The following PHKA2 variants were observed in gnomAD, a reference collection of about 807,000 sequenced individuals.
PHKA2 encodes phosphorylase b kinase regulatory subunit alpha, liver isoform.
A neutral mutation model predicts 102.0 loss-of-function variants in PHKA2; 31 were observed. That is an observed-to-expected ratio of 0.30 (90% confidence interval 0.23 to 0.41). The LOEUF (loss-of-function observed/expected upper bound fraction) is 0.41, where lower values mean the gene tolerates loss of function less well. Among genes scored for constraint, PHKA2 ranks in the 10% least tolerant of loss-of-function variants. The pLI, the probability that PHKA2 is intolerant of heterozygous loss-of-function variation, is 1.00. For synonymous variants in PHKA2, 455 were observed against 416.2 expected (o/e 1.09, Z -1.13); for missense variants, 858 against 1,023.1 (o/e 0.84, Z 2.20).
rs1370196764 is a variant in PHKA2, at chrX:18,954,316, T to G, written c.175A>C (p.Met59Leu). 1 of 1,211,592 alleles carries G rather than the reference T, an allele frequency of 8.3e-7. No individual in the cohort carries two copies. Among genetic ancestry groups the G allele is most frequent in the Admixed American group, 2.2e-5 (1 of 46,111 alleles). The change falls in exon 2 of 33, where the codon ATG becomes CTG. Residue 59 changes from methionine to leucine, a missense_variant. Met to Leu is a conservative substitution (Grantham distance 15). Transcript: ENST00000379942. Reference protein sequence around the residue: ...YSILAVWGLGMAYRKNADRDE... With the variant: ...YSILAVWGLGLAYRKNADRDE... The stretch of plus-strand genomic sequence containing the variant: ...CGGTCTGCATTCTTACGGTAGGCCA[T>G]GCCCAGGCCCCACACGGCCAGGATA...
rs763456029 is a variant in PHKA2 at position 18,925,718 on chromosome X, T to C, written c.1519A>G (p.Thr507Ala). The C allele has an allele frequency of 1.7e-6, 2 of 1,201,139 alleles. No individual in the cohort carries two copies. The highest frequency in any genetic ancestry group is 2.3e-6 in the Non-Finnish European group (2 of 885,991). The change falls in exon 15 of 33, where the codon ACC becomes GCC. Residue 507 changes from threonine to alanine, a missense_variant. Transcript: ENST00000379942. ...RPYRHIGVLG[T>A]SKLYVIRNQI... is the part of the protein sequence containing the mutation. ...TTCCTAATCACATATAGTTTAGAGG[T>C]TCCAAGGACACCAATATGTCGATAC...
intron 3 of PHKA2, 118 bp from the exon 4 acceptor site, chrX:18,951,390 G>A (rs1203798824): frequency 8.3e-6 from 6 of 726,737 alleles, no homozygotes; most frequent in Non-Finnish European, 1.3e-5. Context: ...GGGAGCCAGA[G>A]GGATGGAAGG....
intron 1 of PHKA2, among the ~76,000 whole-genome samples, chrX:18,966,672 AT>A (rs778774581): frequency 2.7e-5 from 3 of 112,306 alleles, no homozygotes; most frequent in Non-Finnish European, 5.6e-5. Context: ...GCCCTGGGTT[AT>A]CCCAGGAGGG....
chrX:18,917,727 AAAG>A (rs1438027925), intron 19 of PHKA2, among the ~76,000 whole-genome samples: 3 of 110,765 alleles, frequency 2.7e-5, no homozygotes, highest in Non-Finnish European at 5.7e-5. Flanking sequence ...GTGAACCAAG[AAAG>A]AAGAGTTGGG....
At chrX:18,939,961 TG>T in intron 9 of PHKA2, 33 bp downstream of exon 9, 1 of 982,192 alleles carries the variant, frequency 1.0e-6, no homozygotes, top group Non-Finnish European at 1.5e-6. Context: ...ATGAAACAGT[TG>T]AGGAAAGATA....
intron 22 of PHKA2, among the ~76,000 whole-genome samples, chrX:18,907,339 G>A (rs1350359443): frequency 8.9e-6 from 1 of 112,452 alleles, no homozygotes; most frequent in Non-Finnish European, 1.9e-5. Context: ...GGCTCCGAAG[G>A]GCCCGTCAGT....
chrX:18,910,848 A>G, intron 20 of PHKA2, 24 bp downstream of exon 20: 1 of 1,008,792 alleles, frequency 9.9e-7, no homozygotes, highest in Non-Finnish European at 1.4e-6. Flanking sequence ...ATACTTTTAA[A>G]AAAAGCTGTT....
intron 1 of PHKA2, among the ~76,000 whole-genome samples, chrX:18,973,693 C>T (rs2148035564): frequency 8.9e-6 from 1 of 111,795 alleles, no homozygotes; most frequent in Non-Finnish European, 1.9e-5. Flanking sequence ...AATCCCTTGC[C>T]CCTCTGTCTA....
At chrX:18,983,817 G>A (rs374817456) in intron 1 of PHKA2, 38 bp downstream of exon 1, 76 of 1,082,138 alleles carry the variant, frequency 7.0e-5, no homozygotes, top group Non-Finnish European at 8.6e-5. Flanking sequence ...ACATGAGAGG[G>A]TAGTTCCACG....
chrX:18,895,439 G>C (rs1736616571), intron 30 of PHKA2: 1 of 413,783 alleles, frequency 2.4e-6, no homozygotes, highest in Non-Finnish European at 4.3e-6. Context: ...AATGCCCTAG[G>C]GGGCTGCCGA....
intron 19 of PHKA2, among the ~76,000 whole-genome samples, chrX:18,917,335 T>C (rs2147888728): frequency 9.2e-6 from 1 of 108,345 alleles, no homozygotes; most frequent in South Asian, 4.2e-4. Flanking sequence ...CTCAGCTCAC[T>C]GCAACCTCTG....
At chrX:18,902,184 G>A (rs1488913076) in intron 26 of PHKA2, among the ~76,000 whole-genome samples, 4 of 109,389 alleles carry the variant, frequency 3.7e-5, no homozygotes, top group African/African-American at 1.3e-4. Context: ...CTCTGTTCCC[G>A]AGGCTGGAGT....
intron 4 of PHKA2, among the ~76,000 whole-genome samples, chrX:18,950,493 C>T (rs1160478487): frequency 5.3e-5 from 6 of 112,418 alleles, no homozygotes; most frequent in African/African-American, 1.9e-4. Context: ...GCCAGCTCAA[C>T]GGCCTTTACC....
Position 18,900,576 on chromosome X carries a change from A to ACACATT in PHKA2, c.3057+88_3057+93dup. 2.8e-5 allele frequency: 23 copies of ACACATT among 832,194 alleles called. No individual in the cohort carries two copies. In the South Asian group the frequency reaches 4.7e-4, roughly 17 times the overall value. 68.6% of individuals were successfully genotyped at this position (832,194 alleles called of 1,213,427 possible). A position where few individuals can be genotyped will look rare whatever the true frequency, so the allele number is the denominator to read the frequency against. On this transcript the variant is annotated intron_variant, in intron 28 of 32. Coordinates refer to ENST00000379942, the MANE Select transcript of PHKA2 (RefSeq NM_000292.3). ...CGTTTGCTGGATAGAGCCGCCCTCT[A>ACACATT]CACATTCACACGCTGCGGAGTCACA...
Position 18,895,165 on chromosome X carries a change from A to G in PHKA2, c.3309T>C (p.Tyr1103=), listed in dbSNP as rs142339696. 6.6e-6 allele frequency: 8 copies of G among 1,208,929 alleles called. No homozygotes were observed. In the South Asian group the frequency reaches 7.0e-5, roughly 11 times the overall value. Residue 1103 remains tyrosine, a synonymous_variant, in exon 31 of 33, where the codon TAT becomes TAC. Transcript: ENST00000379942. ...QKCHGLSIDG[Y]VLPSSTTREM... ...CTCGGGTCGTCGAGGATGGGAGGAC[A>G]TAACCATCGATGGAGAGACCGTGGC...
intron 28 of PHKA2, 39 bp downstream of exon 28, chrX:18,900,631 A>C: frequency 2.6e-6 from 3 of 1,167,791 alleles, no homozygotes; most frequent in Non-Finnish European, 3.5e-6. Flanking sequence ...AGCCAGAAAG[A>C]ACAGGAAGTA....
chrX:18,906,406 C>T (rs2047811312), intron 25 of PHKA2, 89 bp downstream of exon 25: 2 of 1,097,561 alleles, frequency 1.8e-6, no homozygotes, highest in Non-Finnish European at 2.5e-6. Flanking sequence ...TCGAGATAAC[C>T]TAAGCAGTTC....
chrX:18,924,048 C>A lies in PHKA2; in HGVS notation c.1793+8G>T, dbSNP rs761684724. ...ACTCTTATATTTTTTAAAAAAATCA[C>A]AAATTACCTGGCTCCTCCAAAATAT... On this transcript the variant is annotated splice_region_variant and intron_variant, in intron 17 of 32. Transcript: ENST00000379942. 2.0e-5 allele frequency: 23 copies of A among 1,167,056 alleles called. No individual in the cohort carries two copies. Among genetic ancestry groups the A allele is most frequent in the Non-Finnish European group, 2.2e-5 (19 of 855,742 alleles).
intron 1 of PHKA2, among the ~76,000 whole-genome samples, chrX:18,975,200 A>G (rs1464928892): frequency 1.8e-5 from 2 of 111,454 alleles, no homozygotes; most frequent in Non-Finnish European, 1.9e-5. Flanking sequence ...TACTCCCACA[A>G]TTCCCACATG....
Sources: allele counts gnomAD v4.1 joint callset (sites outside exome capture counted in the v4.1 genomes callset), GRCh38; gene constraint gnomAD v4.1.1; transcripts MANE v1.5; gene names NCBI Gene and HGNC (gene_info 2026-07-23, HGNC 2026-07-21).